Variants in DIP2C observed in about 807,000 individuals in gnomAD.
The protein encoded by DIP2C is DIP2 acetate--CoA ligase C (putative).
Under a neutral mutation model 192.4 loss-of-function variants are expected in DIP2C, and 33 were observed. The ratio of observed to expected loss-of-function variants is 0.17; its 90% confidence interval spans 0.13 to 0.23. DIP2C has a LOEUF of 0.23. Ranked by LOEUF, DIP2C falls within the 10% of genes least tolerant of loss-of-function variation. DIP2C has a pLI of 1.00. For missense variants in DIP2C, 1,537 were observed against 2,110.1 expected (o/e 0.73, Z 5.32); for synonymous variants, 979 against 864.1 (o/e 1.13, Z -2.33).
chr10:316,306 T>C (rs1055475853), intron 31 of DIP2C, among the ~76,000 whole-genome samples: 8 of 152,214 alleles, frequency 5.3e-5, no homozygotes, highest in African/African-American at 1.9e-4. Context: ...CAGAAAAGAA[T>C]TTACAAGCCT....
intron 1 of DIP2C, among the ~76,000 whole-genome samples, chr10:621,108 AC>A (rs1170090199): frequency 6.6e-6 from 1 of 151,992 alleles, no homozygotes; most frequent in Admixed American, 6.6e-5. Context: ...AGAGAGGGAG[AC>A]CCCGACCCAA....
intron 1 of DIP2C, among the ~76,000 whole-genome samples, chr10:504,482 T>C (rs1239936446): frequency 2.0e-5 from 3 of 152,206 alleles, no homozygotes; most frequent in East Asian, 3.8e-4. Flanking sequence ...ACAGCCACCT[T>C]AGGCCGGGAG....
chr10:654,038 T>C (rs1422951102), intron 1 of DIP2C, among the ~76,000 whole-genome samples: 1 of 151,988 alleles, frequency 6.6e-6, no homozygotes, highest in Non-Finnish European at 1.5e-5. Flanking sequence ...CATCCACCCC[T>C]CAGGAGGTCC....
rs533813433 is a variant in DIP2C at position 685,510 on chromosome 10, T to C, written c.85+3984A>G. ...CAATTTTTGCAGGCTATATTATGAGTTCTATCAAAATAATTCAGCACCTCC... is the reference window on the plus strand; with the variant it reads ...CAATTTTTGCAGGCTATATTATGAGCTCTATCAAAATAATTCAGCACCTCC... On this transcript the variant is annotated intron_variant, in intron 1 of 36. Transcript: ENST00000280886. 5.9e-5 allele frequency among the ~76,000 whole-genome samples: 9 copies of C among 152,078 alleles called. No individual in the cohort carries two copies. In the South Asian group the frequency reaches 1.0e-3, roughly 18 times the overall value.
chr10:350,405 C>T (rs893893922), intron 24 of DIP2C, among the ~76,000 whole-genome samples: 6 of 152,150 alleles, frequency 3.9e-5, no homozygotes, highest in African/African-American at 7.2e-5. Context: ...CTAACCGAAA[C>T]AAGCTTTTCC....
chr10:672,989 A>C (rs923561951), intron 1 of DIP2C, among the ~76,000 whole-genome samples: 1 of 152,234 alleles, frequency 6.6e-6, no homozygotes, highest in Non-Finnish European at 1.5e-5. Context: ...TTAGATTTTA[A>C]ATGTAAAGTT....
chr10:312,440 G>A (rs912896472), intron 31 of DIP2C, among the ~76,000 whole-genome samples: 1 of 152,118 alleles, frequency 6.6e-6, no homozygotes, highest in Non-Finnish European at 1.5e-5. Context: ...TTGTGTGTAC[G>A]GCCCGGCACC....
Position 593,463 on chromosome 10 carries a change from C to T in DIP2C, c.85+96031G>A, listed in dbSNP as rs114490544. ...ACCCCACACCCGGGTCTGTGCATGC[C>T]GCCCTGCTCTGCCCACGCGGGACCC... On this transcript the variant is annotated intron_variant, in intron 1 of 36. Transcript: ENST00000280886. Among the ~76,000 whole-genome samples, 1,119 of 150,514 alleles carry T rather than the reference C, an allele frequency of 7.4e-3. 26 individuals carry two copies. The highest frequency in any genetic ancestry group is 0.027 in the African/African-American group (1,077 of 40,544).
intron 32 of DIP2C, among the ~76,000 whole-genome samples, chr10:308,813 C>T (rs1213911518): frequency 6.6e-6 from 1 of 152,206 alleles, no homozygotes; most frequent in Non-Finnish European, 1.5e-5. Context: ...CAGGGCCAGG[C>T]ATGCATCTAC....
intron 1 of DIP2C, among the ~76,000 whole-genome samples, chr10:527,788 A>C (rs1380852342): frequency 6.6e-6 from 1 of 152,214 alleles, no homozygotes; most frequent in South Asian, 2.1e-4. Flanking sequence ...AAAATCCATA[A>C]GAAAGTCAAA....
chr10:592,337 T>C (rs565682832), intron 1 of DIP2C, among the ~76,000 whole-genome samples: 15 of 152,096 alleles, frequency 9.9e-5, no homozygotes, highest in Non-Finnish European at 2.2e-4. Flanking sequence ...GGATGTTATA[T>C]CACCACATTA....
chr10:505,699 C>G (rs1845555003), intron 1 of DIP2C, among the ~76,000 whole-genome samples: 1 of 151,340 alleles, frequency 6.6e-6, no homozygotes, highest in African/African-American at 2.4e-5. Context: ...CCTGACGCCA[C>G]AGGAGATGGG....
At chr10:596,928 T>G (rs1362188809) in intron 1 of DIP2C, among the ~76,000 whole-genome samples, 2 of 152,222 alleles carry the variant, frequency 1.3e-5, no homozygotes, top group African/African-American at 4.8e-5. Flanking sequence ...CATGCAGACA[T>G]GAGGGCCACA....
intron 17 of DIP2C, among the ~76,000 whole-genome samples, chr10:372,348 T>TA (rs1961068033): frequency 2.6e-5 from 4 of 152,344 alleles, no homozygotes; most frequent in Non-Finnish European, 4.4e-5. Context: ...GTGTTGGAAT[T>TA]ACAGGCGTGA....
chr10:384,511 T>A, intron 15 of DIP2C, 35 bp downstream of exon 15: 1 of 1,604,688 alleles, frequency 6.2e-7, no homozygotes, highest in Non-Finnish European at 8.5e-7. Context: ...GCGCTGGGAT[T>A]ACAGGTGTGA....
intron 1 of DIP2C, chr10:669,463 C>G (rs1255014383): frequency 6.6e-6 from 1 of 152,190 alleles, no homozygotes; most frequent in African/African-American, 2.4e-5. Context: ...TTCACTGAAC[C>G]TGCACTCAAC....
At chr10:446,325 G>T (rs1156390632) in intron 3 of DIP2C, among the ~76,000 whole-genome samples, 1 of 151,604 alleles carries the variant, frequency 6.6e-6, no homozygotes, top group Non-Finnish European at 1.5e-5. Flanking sequence ...ATCTTCCACT[G>T]GACATCGGTA....
At position 393,792 on chromosome 10, in the gene DIP2C, A is replaced by AAAAAAG. The variant is rs1554841491; in HGVS notation, c.1261-2930_1261-2929insCTTTTT. Among the ~76,000 whole-genome samples the AAAAAAG allele has an allele frequency of 1.7e-3, 226 of 135,018 alleles. 2 individuals carry two copies. The highest frequency in any genetic ancestry group is 0.012 in the Middle Eastern group (3 of 254). 88.6% of individuals were successfully genotyped at this position (135,018 alleles called of 152,430 possible). On this transcript the variant is annotated intron_variant, in intron 10 of 36. Coordinates refer to ENST00000280886, the MANE Select transcript of DIP2C (RefSeq NM_014974.3). ...AGACTCCGTCTCAAAAAAAAAAAAA[A>AAAAAAG]AAAAGAAAAAAAAAGAAAAAGAAAA...
chr10:660,088 G>C (rs1440437099), intron 1 of DIP2C, among the ~76,000 whole-genome samples: 1 of 152,212 alleles, frequency 6.6e-6, no homozygotes, highest in East Asian at 1.9e-4. Flanking sequence ...AGGTCGCTCA[G>C]CCCAGTTCAG....
Sources: allele counts gnomAD v4.1 joint callset (sites outside exome capture counted in the v4.1 genomes callset), GRCh38; gene constraint gnomAD v4.1.1; transcripts MANE v1.5; gene names NCBI Gene and HGNC (gene_info 2026-07-23, HGNC 2026-07-21).